The following FHIT variants were observed in gnomAD, a reference collection of about 807,000 sequenced individuals.
FHIT encodes the protein fragile histidine triad diadenosine triphosphatase.
Under a neutral mutation model 17.9 loss-of-function variants are expected in FHIT, and 19 were observed. The ratio of observed to expected loss-of-function variants is 1.06; its 90% confidence interval spans 0.74 to 1.56. The LOEUF (loss-of-function observed/expected upper bound fraction) is 1.56, where lower values mean the gene tolerates loss of function less well. Among genes scored for constraint, FHIT ranks in the 40% most tolerant of loss-of-function variants. The pLI, the probability that FHIT is intolerant of heterozygous loss-of-function variation, is 0.00. For missense variants in FHIT, 248 were observed against 189.2 expected (o/e 1.31, Z -1.82); for synonymous variants, 81 against 69.7 (o/e 1.16, Z -0.81).
chr3:60,974,198 C>T (rs76564771), intron 3 of FHIT, among the ~76,000 whole-genome samples: 1,992 of 152,240 alleles, frequency 0.013, 43 homozygotes, highest in African/African-American at 0.044. Flanking sequence ...GTAACATTTC[C>T]CATTTTTCCT....
intron 1 of FHIT, 149 bp from the exon 2 acceptor site, chr3:61,200,814 C>T (rs1056262204): frequency 1.3e-5 from 2 of 152,156 alleles, no homozygotes; most frequent in African/African-American, 2.4e-5. Context: ...TCATACCTCC[C>T]GCACAAGAGG....
chr3:59,816,861 A>T (rs1207940396), intron 8 of FHIT, among the ~76,000 whole-genome samples: 3 of 152,206 alleles, frequency 2.0e-5, no homozygotes, highest in African/African-American at 7.2e-5. Context: ...AATCCTCTGG[A>T]GATCTTCAGA....
At chr3:60,692,808 C>T (rs145863468) in intron 4 of FHIT, among the ~76,000 whole-genome samples, 1 of 152,308 alleles carries the variant, frequency 6.6e-6, no homozygotes, top group Non-Finnish European at 1.5e-5. Flanking sequence ...TATTTGCATT[C>T]TTCACATGCA....
intron 5 of FHIT, among the ~76,000 whole-genome samples, chr3:60,280,520 C>A (rs1286405128): frequency 1.3e-5 from 2 of 152,070 alleles, no homozygotes; most frequent in East Asian, 1.9e-4. Context: ...TGAAATAACA[C>A]AGACTCATCA....
intron 5 of FHIT, among the ~76,000 whole-genome samples, chr3:60,077,897 G>C (rs566799307): frequency 6.6e-6 from 1 of 152,106 alleles, no homozygotes; most frequent in East Asian, 1.9e-4. Context: ...TGAGATAACA[G>C]ACGTTGATTT....
intron 2 of FHIT, among the ~76,000 whole-genome samples, chr3:61,071,582 A>G (rs1041905957): frequency 2.6e-5 from 4 of 152,194 alleles, no homozygotes; most frequent in Non-Finnish European, 2.9e-5. Context: ...GTTCCTAAAA[A>G]TTAGTTTATA....
At chr3:60,530,185 G>C (rs1446558153) in intron 5 of FHIT, among the ~76,000 whole-genome samples, 1 of 152,156 alleles carries the variant, frequency 6.6e-6, no homozygotes, top group Non-Finnish European at 1.5e-5. Flanking sequence ...CAGGGACCTA[G>C]TAACCCACAA....
At chr3:59,967,984 T>G (rs1275386044) in intron 7 of FHIT, among the ~76,000 whole-genome samples, 1 of 152,118 alleles carries the variant, frequency 6.6e-6, no homozygotes, top group African/African-American at 2.4e-5. Flanking sequence ...TCACAATACC[T>G]TTGCGAAGCA....
At chr3:60,558,195 T>C (rs1383096940) in intron 4 of FHIT, among the ~76,000 whole-genome samples, 1 of 152,046 alleles carries the variant, frequency 6.6e-6, no homozygotes, top group African/African-American at 2.4e-5. Flanking sequence ...AGGTGTGTGC[T>C]AGACCCTGCC....
chr3:59,959,548 C>T (rs554426093), intron 7 of FHIT, among the ~76,000 whole-genome samples: 1 of 152,168 alleles, frequency 6.6e-6, no homozygotes, highest in African/African-American at 2.4e-5. Context: ...ACAGGAAACT[C>T]GGGTTATTCA....
chr3:60,992,706 C>T (rs1247860538), intron 3 of FHIT, among the ~76,000 whole-genome samples: 2 of 152,178 alleles, frequency 1.3e-5, no homozygotes, highest in Non-Finnish European at 2.9e-5. Context: ...CTGCTTAATG[C>T]CTTACCTTTC....
At chr3:60,549,635 A>C (rs1168468917) in intron 4 of FHIT, among the ~76,000 whole-genome samples, 1 of 152,208 alleles carries the variant, frequency 6.6e-6, no homozygotes, top group East Asian at 1.9e-4. Flanking sequence ...GGCATTCTCT[A>C]ATTCTCCAAA....
In FHIT at chr3:60,574,388, T is replaced by A. The variant is rs559793805; in HGVS notation, c.-17-37409A>T. Among the ~76,000 whole-genome samples, 29 of 151,348 alleles carry A rather than the reference T, an allele frequency of 1.9e-4. 2 individuals are homozygous for A. Among genetic ancestry groups the A allele is most frequent in the Admixed American group, 1.3e-3 (20 of 15,156 alleles). ...CCTTTTTTTTTTTTTTAACCTTAGCTCTTCCTGATGATTGTGAGCATAGCT... is the reference window on the plus strand; with the variant it reads ...CCTTTTTTTTTTTTTTAACCTTAGCACTTCCTGATGATTGTGAGCATAGCT... On this transcript the variant is annotated intron_variant, in intron 4 of 9. Transcript: ENST00000492590.
chr3:61,245,921 G>C (rs550749395), intron 1 of FHIT, among the ~76,000 whole-genome samples: 1 of 152,242 alleles, frequency 6.6e-6, no homozygotes, highest in South Asian at 2.1e-4. Flanking sequence ...AGGAGGTTAA[G>C]GCATTCTTAG....
intron 7 of FHIT, among the ~76,000 whole-genome samples, chr3:59,980,089 A>G (rs771034169): frequency 4.6e-5 from 7 of 152,160 alleles, no homozygotes; most frequent in Non-Finnish European, 5.9e-5. Flanking sequence ...CTAAAACACC[A>G]CTTAAGCTTA....
At chr3:60,735,462 A>G (rs1553712354) in intron 4 of FHIT, among the ~76,000 whole-genome samples, 2 of 152,216 alleles carry the variant, frequency 1.3e-5, no homozygotes, top group African/African-American at 4.8e-5. Flanking sequence ...GAGTCAGTCC[A>G]GTACTACTCA....
At chr3:60,394,890 A>C (rs995882361) in intron 5 of FHIT, among the ~76,000 whole-genome samples, 17 of 152,176 alleles carry the variant, frequency 1.1e-4, no homozygotes, top group African/African-American at 3.9e-4. Flanking sequence ...AATAGAAGTA[A>C]ATACATGACA....
At chr3:60,896,433 C>T (rs2107201702) in intron 3 of FHIT, among the ~76,000 whole-genome samples, 1 of 152,280 alleles carries the variant, frequency 6.6e-6, no homozygotes, top group Middle Eastern at 3.4e-3. Context: ...AGCTCAGGCT[C>T]TTCCTTGCCT....
At chr3:59,832,952 T>C (rs185862299) in intron 8 of FHIT, among the ~76,000 whole-genome samples, 127 of 152,324 alleles carry the variant, frequency 8.3e-4, no homozygotes, top group African/African-American at 2.7e-3. Context: ...CTACATGTTA[T>C]GATTATGTGA....
Sources: allele counts gnomAD v4.1 joint callset (sites outside exome capture counted in the v4.1 genomes callset), GRCh38; gene constraint gnomAD v4.1.1; transcripts MANE v1.5; gene names NCBI Gene and HGNC (gene_info 2026-07-23, HGNC 2026-07-21).